The following PTPN13 variants were observed in gnomAD, a reference collection of about 807,000 sequenced individuals.
PTPN13 encodes protein tyrosine phosphatase non-receptor type 13, also known as tyrosine-protein phosphatase non-receptor type 13.
A neutral mutation model predicts 284.0 loss-of-function variants in PTPN13; 191 were observed. The observed-to-expected ratio is 0.67, with a 90% CI of 0.60 to 0.76. The LOEUF is 0.76. Ranked by LOEUF, PTPN13 falls within the 30% of genes least tolerant of loss-of-function variation. The pLI, the probability that PTPN13 is intolerant of heterozygous loss-of-function variation, is 0.00. For missense variants in PTPN13, 2,797 were observed against 2,939.9 expected, an observed-to-expected ratio of 0.95 and a Z score of 1.12; for synonymous variants, 986 against 1,022.3, an observed-to-expected ratio of 0.96 and a Z score of 0.68.
At chr4:86,781,066 A>C (rs929376807) in intron 36 of PTPN13, among the ~76,000 whole-genome samples, 1 of 152,006 alleles carries the variant, frequency 6.6e-6, no homozygotes, top group Non-Finnish European at 1.5e-5. Flanking sequence ...ATACTTTTTT[A>C]TTTTTCTTAG....
Position 86,796,896 on chromosome 4 carries a change from A to G in PTPN13, c.6368A>G (p.Glu2123Gly). The change falls in exon 41 of 48, where the codon GAA (glutamate) becomes GGA (glycine). Residue 2123 changes from glutamate to glycine, a missense_variant. Physicochemically the swap from Glu to Gly is moderately conservative, Grantham distance 98. Coordinates refer to ENST00000411767, the MANE Select transcript of PTPN13 (RefSeq NM_080683.3). The stretch of plus-strand genomic sequence containing the variant: ...TAGGCCACCAAAATGAATGGCTGTG[A>G]AGAATATTGTGAAGAAAAAGTAAAA... Reference protein sequence around the residue: ...FTEATKMNGCEEYCEEKVKSE... With the variant: ...FTEATKMNGCGEYCEEKVKSE... The G allele has an allele frequency of 6.7e-7, 1 of 1,491,630 alleles. No homozygotes were observed. The highest frequency in any genetic ancestry group is 1.8e-5 in the Admixed American group (1 of 54,950). The allele number at this position is 1,491,630 out of a possible 1,614,324, so 92.4% of individuals were successfully genotyped here.
intron 2 of PTPN13, among the ~76,000 whole-genome samples, chr4:86,647,179 T>G (rs773147343): frequency 6.6e-6 from 1 of 152,174 alleles, no homozygotes; most frequent in Non-Finnish European, 1.5e-5. Context: ...GGCATATTCA[T>G]ATGTCAGAAC....
intron 2 of PTPN13, 114 bp downstream of exon 2, chr4:86,635,485 G>C (rs576599975): frequency 2.2e-4 from 308 of 1,430,862 alleles, no homozygotes; most frequent in Non-Finnish European, 2.8e-4. Context: ...GCCTTTGGCA[G>C]AGTATGAAAG....
intron 1 of PTPN13, among the ~76,000 whole-genome samples, chr4:86,625,633 A>T (rs1436368554): frequency 1.3e-5 from 2 of 151,962 alleles, no homozygotes; most frequent in African/African-American, 2.4e-5. Context: ...TTAGTCCCAG[A>T]CTCATGGTCC....
intron 9 of PTPN13, among the ~76,000 whole-genome samples, chr4:86,720,309 C>T (rs1324601987): frequency 6.6e-6 from 1 of 152,022 alleles, no homozygotes; most frequent in Non-Finnish European, 1.5e-5. Context: ...TGAGAGAATC[C>T]TAATTTTGAT....
rs926558828 is a variant in PTPN13 at position 86,623,355 on chromosome 4, A to G, written c.-5-11897A>G. On this transcript the variant is annotated intron_variant, in intron 1 of 47. Transcript: ENST00000411767. ...TATTGAGGGAAGATTTTCTCTACCC[A>G]CTCCACTCAGACTCACATACTAATC... Among the ~76,000 whole-genome samples, 9 of 151,964 alleles carry G rather than the reference A, an allele frequency of 5.9e-5. 1 individual carries two copies. The highest frequency in any genetic ancestry group is 1.2e-4 in the Non-Finnish European group (8 of 67,994).
chr4:86,598,505 A>G (rs1764024581), intron 1 of PTPN13, among the ~76,000 whole-genome samples: 1 of 152,178 alleles, frequency 6.6e-6, no homozygotes, highest in Admixed American at 6.5e-5. Context: ...GTGCAAGCTG[A>G]CAGTATTTAG....
chr4:86,809,946 A>G lies in PTPN13; in HGVS notation c.7261A>G (p.Ile2421Val), dbSNP rs1745050744. Residue 2421 changes from isoleucine (I) to valine (V), a missense_variant, in exon 46 of 48, where the codon ATA (isoleucine) becomes GTA (valine). By Grantham distance (29) the Ile-to-Val change is conservative (BLOSUM62 3). Coordinates refer to ENST00000411767, the MANE Select transcript of PTPN13 (RefSeq NM_080683.3). ...GIGRSGTLIC[I>V]DVVLGLISQD... ...TGGACGTTCAGGGACCCTGATTTGC[A>G]TAGATGTGGTTCTGGGATTAATCAG... The G allele has an allele frequency of 1.2e-6, 2 of 1,614,006 alleles. No homozygotes were observed. The highest frequency in any genetic ancestry group is 1.7e-6 in the Non-Finnish European group (2 of 1,179,888).
intron 1 of PTPN13, among the ~76,000 whole-genome samples, chr4:86,632,270 T>C (rs1357404551): frequency 1.3e-5 from 2 of 152,210 alleles, no homozygotes; most frequent in Admixed American, 1.3e-4. Context: ...ACAGTGTGAT[T>C]AGCTTCTCTT....
At chr4:86,706,234 A>T (rs1731751166) in intron 7 of PTPN13, among the ~76,000 whole-genome samples, 1 of 152,152 alleles carries the variant, frequency 6.6e-6, no homozygotes, top group South Asian at 2.1e-4. Flanking sequence ...CATATTTTGA[A>T]TCCCAGTCTC....
intron 3 of PTPN13, among the ~76,000 whole-genome samples, chr4:86,686,165 G>A (rs572687588): frequency 2.2e-4 from 33 of 152,030 alleles, no homozygotes; most frequent in Admixed American, 2.0e-3. Flanking sequence ...AATTCAAGAC[G>A]AGCCTGGCCA....
chr4:86,783,772 A>G (rs971498960), intron 37 of PTPN13, among the ~76,000 whole-genome samples: 3 of 152,062 alleles, frequency 2.0e-5, no homozygotes, highest in Non-Finnish European at 4.4e-5. Context: ...AATTTATTCC[A>G]AGCATTTATT....
rs745633268 is a variant in PTPN13, at chr4:86,784,445, GC to G, written c.6025-19del. Reference sequence around the variant, plus strand: ...TTAGTAAAATACTATCTGATGATTTGCTTTGGTTTTATGCTTTAGGTTGCTG... The same window carrying G: ...TTAGTAAAATACTATCTGATGATTTGTTTGGTTTTATGCTTTAGGTTGCTG... On this transcript the variant is annotated intron_variant, in intron 37 of 47. Coordinates refer to ENST00000411767, the MANE Select transcript of PTPN13 (RefSeq NM_080683.3). The G allele has an allele frequency of 6.5e-7, 1 of 1,542,746 alleles. No homozygotes were observed. Among genetic ancestry groups the G allele is most frequent in the South Asian group, 1.2e-5 (1 of 85,544 alleles).
intron 40 of PTPN13, among the ~76,000 whole-genome samples, chr4:86,788,725 T>A (rs1164204999): frequency 6.6e-6 from 1 of 152,214 alleles, no homozygotes; most frequent in East Asian, 1.9e-4. Flanking sequence ...ATTGAACTCA[T>A]CTGACTAATT....
chr4:86,763,127 T>C lies in PTPN13; in HGVS notation c.3954T>C (p.Arg1318=). ...CTGATGTAACTGATTACTCAGACCGTGGAGATTCAGACATGGATGAAGCCA... is the reference window on the plus strand; with the variant it reads ...CTGATGTAACTGATTACTCAGACCGCGGAGATTCAGACATGGATGAAGCCA... ...GISDVTDYSD[R]GDSDMDEATY... is the part of the protein sequence containing the mutation. Residue 1318 remains arginine, a synonymous_variant, in exon 24 of 48, where the codon CGT becomes CGC. Transcript: ENST00000411767. 2 of 1,613,758 alleles carry C rather than the reference T, an allele frequency of 1.2e-6. No homozygotes were observed. The highest frequency in any genetic ancestry group is 1.7e-6 in the Non-Finnish European group (2 of 1,179,852).
chr4:86,766,133 T>C (rs188412963), intron 26 of PTPN13, among the ~76,000 whole-genome samples: 224 of 152,358 alleles, frequency 1.5e-3, no homozygotes, highest in Non-Finnish European at 2.7e-3. Context: ...CAGCCTGATA[T>C]CTACACTTTT....
intron 16 of PTPN13, 143 bp from the exon 17 acceptor site, chr4:86,744,823 G>T: frequency 1.4e-6 from 1 of 697,132 alleles, no homozygotes; most frequent in Non-Finnish European, 2.3e-6. Context: ...GTATTTCTTG[G>T]AACATGTCTT....
At chr4:86,723,476 G>A (rs1022622939) in intron 10 of PTPN13, among the ~76,000 whole-genome samples, 1 of 152,168 alleles carries the variant, frequency 6.6e-6, no homozygotes, top group Non-Finnish European at 1.5e-5. Context: ...CCTCCTACCT[G>A]TCTGTGGAAA....
intron 6 of PTPN13, 90 bp from the exon 7 acceptor site, chr4:86,701,151 T>C: frequency 1.0e-6 from 1 of 987,728 alleles, no homozygotes; most frequent in Non-Finnish European, 1.4e-6. Context: ...ATTTAGGAAA[T>C]TGCCACCACT....
Sources: gnomAD v4.1 joint callset for allele counts (sites outside exome capture counted in the v4.1 genomes callset) on GRCh38, gnomAD v4.1.1 for gene constraint, MANE v1.5 for transcripts, NCBI Gene and HGNC (gene_info 2026-07-23, HGNC 2026-07-21) for gene names.